The following PPM1L variants were observed in gnomAD, a reference collection of about 807,000 sequenced individuals.
PPM1L encodes protein phosphatase 1L.
A neutral mutation model predicts 31.4 loss-of-function variants in PPM1L; 13 were observed. The ratio of observed to expected loss-of-function variants is 0.41; its 90% CI spans 0.27 to 0.66. PPM1L has a LOEUF of 0.66. Among genes scored for constraint, PPM1L ranks in the 30% least tolerant of loss-of-function variants. The pLI, the probability that PPM1L is intolerant of heterozygous loss-of-function variation, is 0.29. For missense variants in PPM1L, 326 were observed against 453.7 expected (o/e 0.72, Z 2.56); for synonymous variants, 184 against 175.4 (o/e 1.05, Z -0.39).
chr3:160,859,145 A>C (rs985607617), intron 1 of PPM1L, among the ~76,000 whole-genome samples: 1 of 152,200 alleles, frequency 6.6e-6, no homozygotes, highest in East Asian at 1.9e-4. Flanking sequence ...GGCAATCTGC[A>C]CATGGAGGTA....
intron 1 of PPM1L, among the ~76,000 whole-genome samples, chr3:160,846,648 G>T (rs114601016): frequency 0.037 from 5,566 of 152,072 alleles, 127 homozygotes; most frequent in Middle Eastern, 0.068. Context: ...CAGTTAAATT[G>T]GTTGGTTAGT....
chr3:160,916,399 C>A (rs1024038783), intron 1 of PPM1L, among the ~76,000 whole-genome samples: 2 of 151,850 alleles, frequency 1.3e-5, no homozygotes, highest in African/African-American at 4.8e-5. Flanking sequence ...TTTTGACCAC[C>A]GGAAATTATT....
intron 1 of PPM1L, among the ~76,000 whole-genome samples, chr3:160,934,883 G>T (rs1250082385): frequency 1.3e-5 from 2 of 151,958 alleles, no homozygotes; most frequent in Non-Finnish European, 2.9e-5. Flanking sequence ...AGTCCAGGGG[G>T]GTTGCAGTGA....
At chr3:161,006,260 CAA>C (rs899982537) in intron 2 of PPM1L, among the ~76,000 whole-genome samples, 2 of 152,064 alleles carry the variant, frequency 1.3e-5, no homozygotes, top group Admixed American at 1.3e-4. Context: ...ATAAAAAAGA[CAA>C]ATACTGTATG....
chr3:160,886,128 A>C (rs1167451164), intron 1 of PPM1L, among the ~76,000 whole-genome samples: 3 of 152,222 alleles, frequency 2.0e-5, no homozygotes, highest in East Asian at 3.9e-4. Context: ...ACCCTGACTC[A>C]TATTTCCTTA....
intron 2 of PPM1L, among the ~76,000 whole-genome samples, chr3:160,967,726 T>C (rs577954264): frequency 1.1e-4 from 16 of 152,060 alleles, no homozygotes; most frequent in Non-Finnish European, 2.2e-4. Context: ...TTTCAAGAAC[T>C]GATATGTTTT....
chr3:160,930,648 A>C (rs1243487718), intron 1 of PPM1L, among the ~76,000 whole-genome samples: 1 of 152,248 alleles, frequency 6.6e-6, no homozygotes, highest in Non-Finnish European at 1.5e-5. Flanking sequence ...TGAAGCCTCA[A>C]AGGAACCATC....
intron 1 of PPM1L, among the ~76,000 whole-genome samples, chr3:160,802,495 G>A (rs752155544): frequency 1.3e-5 from 2 of 152,188 alleles, no homozygotes; most frequent in Admixed American, 6.5e-5. Flanking sequence ...TCATTTGATC[G>A]TTAGGAAGAA....
At chr3:160,972,247 G>A (rs952659493) in intron 2 of PPM1L, among the ~76,000 whole-genome samples, 7 of 151,808 alleles carry the variant, frequency 4.6e-5, no homozygotes, top group Non-Finnish European at 1.0e-4. Flanking sequence ...TGTGCACAAC[G>A]TGCAGGTTTG....
chr3:161,048,210 G>C (rs568062492), intron 2 of PPM1L, among the ~76,000 whole-genome samples: 1 of 152,318 alleles, frequency 6.6e-6, no homozygotes, highest in South Asian at 2.1e-4. Context: ...CTAATATCCA[G>C]AATCTACAAA....
intron 2 of PPM1L, among the ~76,000 whole-genome samples, chr3:160,992,667 T>G (rs1576767411): frequency 6.6e-6 from 1 of 152,204 alleles, no homozygotes; most frequent in South Asian, 2.1e-4. Context: ...ACTTTATCCT[T>G]GGAGCCATAG....
chr3:161,042,166 C>T (rs1268669483), intron 2 of PPM1L, among the ~76,000 whole-genome samples: 1 of 152,152 alleles, frequency 6.6e-6, no homozygotes. Context: ...TTGGTTCTGT[C>T]AACTTCAACT....
At chr3:160,817,401 G>A (rs944653940) in intron 1 of PPM1L, among the ~76,000 whole-genome samples, 2 of 152,026 alleles carry the variant, frequency 1.3e-5, no homozygotes, top group African/African-American at 4.8e-5. Flanking sequence ...GTGAACTAGA[G>A]CAGTGGTATT....
chr3:161,054,007 A>G (rs1719347353), intron 2 of PPM1L, among the ~76,000 whole-genome samples: 1 of 152,180 alleles, frequency 6.6e-6, no homozygotes, highest in Non-Finnish European at 1.5e-5. Context: ...TCTTTAGCAC[A>G]TGATGAGGGG....
At chr3:160,813,283 AT>A (rs1029416988) in intron 1 of PPM1L, among the ~76,000 whole-genome samples, 30 of 152,010 alleles carry the variant, frequency 2.0e-4, no homozygotes, top group South Asian at 4.2e-4. Flanking sequence ...TTAAGTTTTA[AT>A]TTTTTTTCTT....
chr3:160,909,634 AG>A (rs1287115190), intron 1 of PPM1L, among the ~76,000 whole-genome samples: 1 of 152,164 alleles, frequency 6.6e-6, no homozygotes, highest in Admixed American at 6.5e-5. Flanking sequence ...GCGTGAAAAA[AG>A]GACCAAACAG....
At position 160,756,434 on chromosome 3, in the gene PPM1L, C is replaced by G. The variant is rs770336415; in HGVS notation, c.126C>G (p.Thr42=). ...SLALWSYFFH[T]DEVKTIVKSS... ...CTCTATGGAGTTACTTCTTCCACAC[C>G]GACGAGGTGAAGACCATCGTGAAGT... Residue 42 remains threonine, a synonymous_variant, in exon 1 of 4, where the codon ACC becomes ACG. Coordinates refer to ENST00000498165, the MANE Select transcript of PPM1L (RefSeq NM_139245.4). The surrounding 1 kb of genome is among the most constrained non-coding windows in gnomAD (Gnocchi z 6.2). The G allele has an allele frequency of 8.1e-6, 13 of 1,614,200 alleles. No individual in the cohort carries two copies. The South Asian group carries it at 1.3e-4, about 16-fold the overall frequency.
At chr3:160,955,617 C>T (rs1216473447) in intron 1 of PPM1L, among the ~76,000 whole-genome samples, 1 of 150,588 alleles carries the variant, frequency 6.6e-6, no homozygotes, top group Non-Finnish European at 1.5e-5. Flanking sequence ...ACTCAGCAGA[C>T]AGTCAATAAA....
rs1241800503 is a variant in PPM1L at position 160,969,575 on chromosome 3, A to G, written c.574+7665A>G. Among the ~76,000 whole-genome samples, 6 of 152,356 alleles carry G rather than the reference A, an allele frequency of 3.9e-5. No homozygotes were observed. The South Asian group carries it at 8.3e-4, about 21-fold the overall frequency. On this transcript the variant is annotated intron_variant, in intron 2 of 3. Coordinates refer to ENST00000498165, the MANE Select transcript of PPM1L (RefSeq NM_139245.4). ...CATTTGCAGGAAGTTCTTCACTCCA[A>G]CAAATAGAGTGAATTTCTCAGTATA...
Sources: allele counts gnomAD v4.1 joint callset (sites outside exome capture counted in the v4.1 genomes callset), GRCh38; gene constraint gnomAD v4.1.1; non-coding constraint Gnocchi (gnomAD v3.1); transcripts MANE v1.5; gene names NCBI Gene and HGNC (gene_info 2026-07-23, HGNC 2026-07-21).